Variants in KCNK2 observed in about 807,000 individuals in gnomAD.
KCNK2 encodes the protein potassium two pore domain channel subfamily K member 2.
Under a neutral mutation model 40.5 loss-of-function variants are expected in KCNK2, and 21 were observed. That is an observed-to-expected ratio of 0.52 (90% CI 0.37 to 0.75). The LOEUF is 0.75. Ranked by LOEUF, KCNK2 falls within the 30% of genes least tolerant of loss-of-function variation. The pLI is 0.00. For missense variants in KCNK2, 399 were observed against 531.6 expected (o/e 0.75, Z 2.45); for synonymous variants, 191 against 202.2 (o/e 0.94, Z 0.47).
intron 1 of KCNK2, among the ~76,000 whole-genome samples, chr1:215,029,957 G>A (rs1597844): frequency 0.9 from 136,684 of 152,154 alleles, 61,702 homozygotes; most frequent in East Asian, 1. Context: ...ATCATATGGT[G>A]GGAGTATGTT....
At chr1:215,202,357 C>A (rs1345020557) in intron 6 of KCNK2, among the ~76,000 whole-genome samples, 1 of 152,154 alleles carries the variant, frequency 6.6e-6, no homozygotes, top group Non-Finnish European at 1.5e-5. Flanking sequence ...GGAGAAAGTT[C>A]TTTCTTTCTC....
chr1:215,157,217 A>T (rs1436907967), intron 3 of KCNK2, among the ~76,000 whole-genome samples: 7 of 152,170 alleles, frequency 4.6e-5, no homozygotes, highest in Non-Finnish European at 1.0e-4. Context: ...TTCTCTAGCC[A>T]CCATTATACT....
At chr1:215,062,532 TG>T (rs34377326) in intron 1 of KCNK2, among the ~76,000 whole-genome samples, 1 of 150,920 alleles carries the variant, frequency 6.6e-6, no homozygotes, top group Admixed American at 6.6e-5. Context: ...GGGATGAACA[TG>T]GAAACAAGAA....
chr1:215,089,037 G>A (rs892948255), intron 2 of KCNK2, among the ~76,000 whole-genome samples: 3 of 152,080 alleles, frequency 2.0e-5, no homozygotes, highest in Non-Finnish European at 4.4e-5. Flanking sequence ...ATGACTTCAA[G>A]GATCAAGATT....
At chr1:215,033,651 A>G in intron 1 of KCNK2, among the ~76,000 whole-genome samples, 1 of 152,112 alleles carries the variant, frequency 6.6e-6, no homozygotes, top group African/African-American at 2.4e-5. Flanking sequence ...ATTAGATGGG[A>G]CAGGATGGCT....
chr1:215,106,708 T>G (rs1660454432), intron 2 of KCNK2, among the ~76,000 whole-genome samples: 1 of 152,154 alleles, frequency 6.6e-6, no homozygotes, highest in Admixed American at 6.6e-5. Flanking sequence ...TCAAGGGTTT[T>G]TATGATTTGA....
intron 3 of KCNK2, among the ~76,000 whole-genome samples, chr1:215,154,518 C>T (rs981072287): frequency 1.3e-5 from 2 of 151,930 alleles, no homozygotes; most frequent in Non-Finnish European, 2.9e-5. Flanking sequence ...AATTTCCTCC[C>T]ATTCTGTAGG....
intron 5 of KCNK2, among the ~76,000 whole-genome samples, chr1:215,180,412 G>T (rs1664176954): frequency 6.6e-6 from 1 of 151,866 alleles, no homozygotes; most frequent in Non-Finnish European, 1.5e-5. Context: ...GTTGTCAGTT[G>T]GTTGCTTTGT....
At chr1:215,182,955 G>A (rs1275366330) in intron 5 of KCNK2, among the ~76,000 whole-genome samples, 1 of 152,116 alleles carries the variant, frequency 6.6e-6, no homozygotes, top group Admixed American at 6.5e-5. Flanking sequence ...GTCACAGAGG[G>A]AGGCTATCTG....
At chr1:215,174,073 A>C (rs1458698616) in intron 5 of KCNK2, among the ~76,000 whole-genome samples, 1 of 152,176 alleles carries the variant, frequency 6.6e-6, no homozygotes, top group Non-Finnish European at 1.5e-5. Context: ...GGTATTGCCT[A>C]GGTTTTCTTC....
chr1:215,034,461 C>G (rs979482417), intron 1 of KCNK2, among the ~76,000 whole-genome samples: 1 of 151,852 alleles, frequency 6.6e-6, no homozygotes, highest in Non-Finnish European at 1.5e-5. Flanking sequence ...TAGTTGAATC[C>G]TAATGTAAGC....
intron 2 of KCNK2, among the ~76,000 whole-genome samples, chr1:215,096,253 T>G (rs1659972272): frequency 1.3e-5 from 2 of 151,886 alleles, no homozygotes; most frequent in African/African-American, 4.8e-5. Context: ...TTTACACGTA[T>G]AGGATCACGT....
At chr1:215,127,060 C>T (rs1661469399) in intron 3 of KCNK2, among the ~76,000 whole-genome samples, 1 of 152,090 alleles carries the variant, frequency 6.6e-6, no homozygotes, top group Non-Finnish European at 1.5e-5. Context: ...ATTGTGTGAA[C>T]TTTGAAGTGA....
intron 1 of KCNK2, among the ~76,000 whole-genome samples, chr1:215,017,012 G>C (rs1656615387): frequency 6.6e-6 from 1 of 152,036 alleles, no homozygotes; most frequent in African/African-American, 2.4e-5. Context: ...CCAATCATTA[G>C]GGAAATGCAA....
At chr1:215,014,886 A>G (rs529882493) in intron 1 of KCNK2, among the ~76,000 whole-genome samples, 1 of 152,266 alleles carries the variant, frequency 6.6e-6, no homozygotes, top group South Asian at 2.1e-4. Flanking sequence ...AGTTGACAAT[A>G]CAGCTGTAAG....
rs112943736 is a variant in KCNK2, at chr1:215,076,294, A to G, written c.35-10074A>G. On this transcript the variant is annotated intron_variant, in intron 1 of 6. Coordinates refer to the KCNK2 transcript ENST00000391895. ...GTTATCTATTGGTGCATAGAAAACTAGCCCAAAACTTAGCAGCAAAAACAA... is the reference window on the plus strand; with the variant it reads ...GTTATCTATTGGTGCATAGAAAACTGGCCCAAAACTTAGCAGCAAAAACAA... 4.1e-3 allele frequency among the ~76,000 whole-genome samples: 618 copies of G among 152,356 alleles called. 2 individuals carry two copies. The highest frequency in any genetic ancestry group is 0.014 in the African/African-American group (593 of 41,572).
At chr1:215,209,504 A>ATT (rs1665530200) in intron 6 of KCNK2, among the ~76,000 whole-genome samples, 7 of 2,822 alleles carry the variant, frequency 2.5e-3, no homozygotes, top group African/African-American at 3.2e-3. Flanking sequence ...TATAATATAT[A>ATT]ATATATATAA....
chr1:215,129,059 GT>G (rs775352360), intron 3 of KCNK2, among the ~76,000 whole-genome samples: 4 of 152,184 alleles, frequency 2.6e-5, no homozygotes, highest in South Asian at 2.1e-4. Flanking sequence ...GATGATTGGA[GT>G]TGGTGTGGAA....
chr1:215,056,951 A>T (rs1156344607), intron 1 of KCNK2, among the ~76,000 whole-genome samples: 2 of 152,230 alleles, frequency 1.3e-5, no homozygotes, highest in Non-Finnish European at 2.9e-5. Context: ...TAGAATAGGA[A>T]TAATATGAGT....
Sources: gnomAD v4.1 joint callset for allele counts (sites outside exome capture counted in the v4.1 genomes callset) on GRCh38, gnomAD v4.1.1 for gene constraint, MANE v1.5 for transcripts, NCBI Gene and HGNC (gene_info 2026-07-23, HGNC 2026-07-21) for gene names.